Variants in TBC1D1 observed in about 807,000 individuals in gnomAD.
The protein encoded by TBC1D1 is TBC1 (tre-2/USP6, BUB2, cdc16) domain family, member 1.
In TBC1D1, 89 loss-of-function variants were observed where a neutral mutation model predicts 125.6. That is an observed-to-expected ratio of 0.71 (90% CI 0.60 to 0.85). TBC1D1 has a LOEUF of 0.85. TBC1D1 is among the 40% of genes least tolerant of loss of function. TBC1D1 has a pLI of 0.00. For missense variants in TBC1D1, 1,377 were observed against 1,469.2 expected (o/e 0.94, Z 1.03); for synonymous variants, 565 against 564.1 (o/e 1.00, Z -0.02).
rs867622108 is a variant in TBC1D1 at position 38,080,633 on chromosome 4, C to G, written c.2051-9299C>G. Among the ~76,000 whole-genome samples the G allele has an allele frequency of 3.3e-5, 5 of 152,340 alleles. No individual in the cohort carries two copies. In the South Asian group the frequency reaches 1.0e-3, roughly 32 times the overall value. On this transcript the variant is annotated intron_variant, in intron 12 of 19. Coordinates refer to ENST00000261439, the MANE Select transcript of TBC1D1 (RefSeq NM_015173.4). ...TCCTTCCCAGTCGTGTGTCAGAACT[C>G]AGCACTGGACCTTTCCCCTTTCCCC... is the stretch of plus-strand genomic sequence containing the variant.
intron 2 of TBC1D1, among the ~76,000 whole-genome samples, chr4:37,970,819 C>T (rs1467272510): frequency 6.6e-6 from 1 of 152,214 alleles, no homozygotes; most frequent in Non-Finnish European, 1.5e-5. Context: ...TCACTTGAAA[C>T]CCAGTTGAAC....
intron 8 of TBC1D1, 22 bp downstream of exon 8, chr4:38,035,720 T>C: frequency 6.4e-7 from 1 of 1,560,784 alleles, no homozygotes; most frequent in African/African-American, 1.4e-5. Flanking sequence ...TTGTCTCTTG[T>C]AATTGTTGCC....
At chr4:37,946,339 T>C (rs911221901) in intron 2 of TBC1D1, among the ~76,000 whole-genome samples, 2 of 152,178 alleles carry the variant, frequency 1.3e-5, no homozygotes, top group African/African-American at 4.8e-5. Context: ...CTTTGCATGC[T>C]CCCAACACAA....
intron 2 of TBC1D1, among the ~76,000 whole-genome samples, chr4:37,942,172 G>T (rs1263034083): frequency 6.6e-6 from 1 of 152,186 alleles, no homozygotes; most frequent in East Asian, 1.9e-4. Context: ...CTCTTTGTAA[G>T]TCTCTAAGGA....
In TBC1D1 at chr4:38,090,007, C is replaced by A; in HGVS notation, c.2126C>A (p.Pro709Gln). Residue 709 changes from proline to glutamine, a missense_variant, in exon 13 of 20, where the codon CCA becomes CAA. Physicochemically the swap from Pro to Gln is moderately conservative, Grantham distance 76. Coordinates refer to ENST00000261439, the MANE Select transcript of TBC1D1 (RefSeq NM_015173.4). The stretch of plus-strand genomic sequence containing the variant: ...TGTGAAGATGGGCCCTTTGGCCCCC[C>A]ACCAGAGGAAAAGAAAAGGACATCT... 1 of 1,614,116 alleles carries A rather than the reference C, an allele frequency of 6.2e-7. No homozygotes were observed. The highest frequency in any genetic ancestry group is 1.7e-5 in the Admixed American group (1 of 60,016).
intron 2 of TBC1D1, among the ~76,000 whole-genome samples, chr4:37,984,899 A>G (rs1239192977): frequency 6.6e-6 from 1 of 152,092 alleles, no homozygotes; most frequent in East Asian, 1.9e-4. Context: ...ATGCACAGTA[A>G]TATTCACGAA....
chr4:38,124,390 C>T (rs1213039439), intron 17 of TBC1D1, among the ~76,000 whole-genome samples: 1 of 152,170 alleles, frequency 6.6e-6, no homozygotes, highest in African/African-American at 2.4e-5. Context: ...TAGGAAGTAA[C>T]CTTGACAGAG....
intron 8 of TBC1D1, among the ~76,000 whole-genome samples, chr4:38,044,004 A>G (rs559917038): frequency 6.6e-6 from 1 of 152,360 alleles, no homozygotes; most frequent in South Asian, 2.1e-4. Flanking sequence ...CGATCTTGCC[A>G]TTGGTCTCAC....
chr4:38,069,900 C>T (rs1205682816), intron 12 of TBC1D1, among the ~76,000 whole-genome samples: 2 of 152,032 alleles, frequency 1.3e-5, no homozygotes, highest in Admixed American at 6.5e-5. Flanking sequence ...AGCTCATCAG[C>T]TATTGTTAGT....
At chr4:38,094,567 A>G (rs780772510) in intron 13 of TBC1D1, among the ~76,000 whole-genome samples, 3 of 152,210 alleles carry the variant, frequency 2.0e-5, no homozygotes, top group African/African-American at 4.8e-5. Context: ...TTTAGGCAGC[A>G]GTGTTGTTAG....
chr4:37,986,101 T>C (rs1006255922), intron 2 of TBC1D1, among the ~76,000 whole-genome samples: 4 of 152,242 alleles, frequency 2.6e-5, no homozygotes, highest in Non-Finnish European at 5.9e-5. Flanking sequence ...CAGCACTGCC[T>C]ATGGCCCTCA....
At chr4:37,945,982 A>G (rs1726628327) in intron 2 of TBC1D1, among the ~76,000 whole-genome samples, 1 of 152,196 alleles carries the variant, frequency 6.6e-6, no homozygotes, top group Non-Finnish European at 1.5e-5. Flanking sequence ...TGAAAGTATT[A>G]TTTTACAAGG....
chr4:37,936,728 G>C (rs963794048), intron 2 of TBC1D1, among the ~76,000 whole-genome samples: 1 of 152,196 alleles, frequency 6.6e-6, no homozygotes, highest in Non-Finnish European at 1.5e-5. Context: ...GAAGGGCAGG[G>C]TCTGGGAAGA....
chr4:37,919,255 C>A (rs1265941140), intron 2 of TBC1D1, among the ~76,000 whole-genome samples: 5 of 151,048 alleles, frequency 3.3e-5, no homozygotes. Flanking sequence ...GCAACCTCCA[C>A]CTCCTGGGTT....
chr4:38,027,734 A>G (rs1390924029), intron 6 of TBC1D1, 54 bp from the exon 7 acceptor site: 6 of 1,190,378 alleles, frequency 5.0e-6, no homozygotes, highest in Admixed American at 1.9e-5. Context: ...TTAACTCCCT[A>G]TCTCACAACT....
Position 38,014,709 on chromosome 4 carries a change from C to T in TBC1D1, c.618C>T (p.Ser206=). ...AGAAGTTCAATCACGTCAGCGGCAG[C>T]CGGGGGTCCGAGAGCCCCCGCCCCA... Residue 206 remains serine (S), a synonymous_variant, in exon 3 of 20, where the codon AGC becomes AGT. Coordinates refer to ENST00000261439, the MANE Select transcript of TBC1D1 (RefSeq NM_015173.4). The surrounding 1 kb of genome is among the most constrained non-coding windows in gnomAD (Gnocchi z 5.1). 6.2e-7 allele frequency: 1 copy of T among 1,612,546 alleles called. No individual in the cohort carries two copies. The highest frequency in any genetic ancestry group is 1.1e-5 in the South Asian group (1 of 91,078).
chr4:37,975,228 G>T (rs182094992), intron 2 of TBC1D1, among the ~76,000 whole-genome samples: 1 of 152,332 alleles, frequency 6.6e-6, no homozygotes, highest in Non-Finnish European at 1.5e-5. Context: ...TCCCTGCCTG[G>T]CAGCCGAGGC....
At chr4:37,965,425 T>C (rs889698412) in intron 2 of TBC1D1, among the ~76,000 whole-genome samples, 1 of 152,192 alleles carries the variant, frequency 6.6e-6, no homozygotes, top group African/African-American at 2.4e-5. Flanking sequence ...CCATCTAGGG[T>C]TGGGAGATAG....
chr4:38,037,659 C>T (rs934544893), intron 8 of TBC1D1, among the ~76,000 whole-genome samples: 1 of 152,062 alleles, frequency 6.6e-6, no homozygotes, highest in African/African-American at 2.4e-5. Context: ...TGACATAGAC[C>T]GTGGTAGGAT....
Sources: gnomAD v4.1 joint callset for allele counts (sites outside exome capture counted in the v4.1 genomes callset) on GRCh38, gnomAD v4.1.1 for gene constraint, Gnocchi (gnomAD v3.1) non-coding constraint, MANE v1.5 for transcripts, NCBI Gene and HGNC (gene_info 2026-07-23, HGNC 2026-07-21) for gene names.